Variants in VIP observed in about 807,000 individuals in gnomAD.
The protein encoded by VIP is VIP peptides.
Under a neutral mutation model 20.1 loss-of-function variants are expected in VIP, and 18 were observed. The ratio of observed to expected loss-of-function variants is 0.90; its 90% confidence interval spans 0.62 to 1.33. VIP has a LOEUF of 1.33. Ranked by LOEUF, VIP falls within the 40% of genes most tolerant of loss-of-function variation. VIP has a pLI of 0.00. For synonymous variants in VIP, 70 were observed against 68.1 expected (o/e 1.03, Z -0.14); for missense variants, 209 against 199.4 (o/e 1.05, Z -0.29).
chr6:152,751,351 T>A (rs958959194), intron 1 of VIP, among the ~76,000 whole-genome samples: 1 of 152,138 alleles, frequency 6.6e-6, no homozygotes, highest in African/African-American at 2.4e-5. Flanking sequence ...TAAGTGAATC[T>A]AAGATGCATT....
At chr6:152,755,852 G>C (rs1188542381) in intron 4 of VIP, among the ~76,000 whole-genome samples, 2 of 151,614 alleles carry the variant, frequency 1.3e-5, no homozygotes, top group Non-Finnish European at 1.5e-5. Flanking sequence ...CAATGGCAGA[G>C]CACAACTTCA....
chr6:152,757,154 T>G lies in VIP; in HGVS notation c.*13T>G. 6.2e-7 allele frequency: 1 copy of G among 1,611,026 alleles called. No individual in the cohort carries two copies. The highest frequency in any genetic ancestry group is 8.5e-7 in the Non-Finnish European group (1 of 1,178,264). On this transcript the variant is annotated 3_prime_UTR_variant, in exon 6 of 7. Transcript: ENST00000367244. ...GTTAGAAAAATGATGAAAAAGACCT[T>G]TGGAGCAAAGCTGATGACAACTTCC...
chr6:152,755,175 T>C (rs1402901222), intron 3 of VIP, 94 bp from the exon 4 acceptor site: 2 of 719,348 alleles, frequency 2.8e-6, no homozygotes, highest in Admixed American at 6.8e-5. Context: ...GCTTTCATAA[T>C]AAGCCCATAA....
Position 152,752,209 on chromosome 6 carries a change from T to C in VIP, c.32T>C (p.Val11Ala). The change falls in exon 2 of 7, where the codon GTG becomes GCG. Residue 11 changes from valine (V) to alanine (A), a missense_variant. Transcript: ENST00000367244. ...ACCAGAAATAAGGCCCAGCTCCTTG[T>C]GCTCCTGACTCTTCTCAGTGTGCTC... is the stretch of plus-strand genomic sequence containing the variant. MDTRNKAQLLVLLTLLSVLFS... is the reference protein window; with the variant it reads MDTRNKAQLLALLTLLSVLFS... 1 of 1,613,570 alleles carries C rather than the reference T, an allele frequency of 6.2e-7. No individual in the cohort carries two copies. The highest frequency in any genetic ancestry group is 8.5e-7 in the Non-Finnish European group (1 of 1,179,622).
chr6:152,755,951 G>A (rs982045110), intron 4 of VIP, among the ~76,000 whole-genome samples, 183 bp from the exon 5 acceptor site: 1 of 151,804 alleles, frequency 6.6e-6, no homozygotes, highest in African/African-American at 2.4e-5. Flanking sequence ...GCCAAAATAT[G>A]GCAGATGATT....
At position 152,752,884 on chromosome 6, in the gene VIP, T is replaced by C. The variant is rs369311873; in HGVS notation, c.107+600T>C. On this transcript the variant is annotated intron_variant, in intron 2 of 6. Coordinates refer to ENST00000367244, the MANE Select transcript of VIP (RefSeq NM_003381.4). ...TAGTTTTATTGTTCTATATGTTATA[T>C]TATATATTCCAAATCCATAAAGTAT... Among the ~76,000 whole-genome samples the C allele has an allele frequency of 3.0e-4, 45 of 152,250 alleles. No individual in the cohort carries two copies. The South Asian group carries it at 9.3e-3, about 32-fold the overall frequency.
Position 152,756,205 on chromosome 6 carries a change from G to A in VIP, c.407G>A (p.Arg136His), listed in dbSNP as rs778821449. 6.0e-5 allele frequency: 97 copies of A among 1,611,372 alleles called. No homozygotes were observed. The highest frequency in any genetic ancestry group is 7.3e-5 in the Non-Finnish European group (86 of 1,178,378). Residue 136 changes from arginine (R) to histidine (H), a missense_variant, in exon 5 of 7, where the codon CGC (arginine) becomes CAC (histidine). By Grantham distance (29) the Arg-to-His change is conservative. Transcript: ENST00000367244. ...SDAVFTDNYTRLRKQMAVKKY... is the reference protein window; with the variant it reads ...SDAVFTDNYTHLRKQMAVKKY... Reference sequence around the variant, plus strand: ...GCAGTCTTCACTGACAACTATACCCGCCTTAGAAAACAAATGGCTGTAAAG... The same window carrying A: ...GCAGTCTTCACTGACAACTATACCCACCTTAGAAAACAAATGGCTGTAAAG...
chr6:152,756,073 ATG>A, intron 4 of VIP, 59 bp from the exon 5 acceptor site: 2 of 1,398,276 alleles, frequency 1.4e-6, no homozygotes, highest in Non-Finnish European at 1.9e-6. Flanking sequence ...AACCTGGAAC[ATG>A]TGTGTATTTA....
chr6:152,751,900 C>A (rs908620995), intron 1 of VIP, among the ~76,000 whole-genome samples: 1 of 152,054 alleles, frequency 6.6e-6, no homozygotes, highest in Non-Finnish European at 1.5e-5. Flanking sequence ...ATTTCCAGCA[C>A]TATAGAAGTA....
rs553251973 is a variant in VIP, at chr6:152,752,889, T to C, written c.107+605T>C. Among the ~76,000 whole-genome samples, 8 of 152,288 alleles carry C rather than the reference T, an allele frequency of 5.3e-5. No individual in the cohort carries two copies. The East Asian group carries it at 1.5e-3, about 29-fold the overall frequency. On this transcript the variant is annotated intron_variant, in intron 2 of 6. Coordinates refer to ENST00000367244, the MANE Select transcript of VIP (RefSeq NM_003381.4). ...TTATTGTTCTATATGTTATATTATA[T>C]ATTCCAAATCCATAAAGTATAACAC...
At chr6:152,755,143 T>A (rs2099730222) in intron 3 of VIP, 126 bp from the exon 4 acceptor site, 1 of 545,072 alleles carries the variant, frequency 1.8e-6, no homozygotes, top group Admixed American at 3.9e-5. Context: ...AATCTCCTTT[T>A]GAACTTTAGT....
Position 152,755,273 on chromosome 6 carries a change from G to A in VIP, c.235G>A (p.Ala79Thr). 1 of 1,560,608 alleles carries A rather than the reference G, an allele frequency of 6.4e-7. No individual in the cohort carries two copies. Among genetic ancestry groups the A allele is most frequent in the Non-Finnish European group, 8.6e-7 (1 of 1,156,594 alleles). The change falls in exon 4 of 7, where the codon GCC (alanine) becomes ACC (threonine). Residue 79 changes from alanine to threonine, a missense_variant. Transcript: ENST00000367244. ...TTTTTTTCTTCCTTGTTTTAGAAAT[G>A]CCAGGCATGCTGATGGAGTTTTCAC... ...DTPYYDVSRN[A>T]RHADGVFTSD...
Position 152,756,454 on chromosome 6 carries a change from A to G in VIP, c.467+189A>G, listed in dbSNP as rs140328220. On this transcript the variant is annotated intron_variant, in intron 5 of 6. Transcript: ENST00000367244. ...AGATGTCTGGGCCTTCTCCCAAACCAATTGCCAGGAAATCGGTGTCTTCGG... is the reference window on the plus strand; with the variant it reads ...AGATGTCTGGGCCTTCTCCCAAACCGATTGCCAGGAAATCGGTGTCTTCGG... 2.4e-3 allele frequency among the ~76,000 whole-genome samples: 357 copies of G among 151,888 alleles called. 1 individual carries two copies. The highest frequency in any genetic ancestry group is 3.6e-3 in the Non-Finnish European group (245 of 67,886).
intron 1 of VIP, 65 bp from the exon 2 acceptor site, chr6:152,752,103 C>A: frequency 8.6e-7 from 1 of 1,168,460 alleles, no homozygotes; most frequent in Non-Finnish European, 1.3e-6. Context: ...TACTGCTAGA[C>A]AATCAGAATT....
chr6:152,757,662 G>T (rs1371528254), intron 6 of VIP, among the ~76,000 whole-genome samples: 1 of 151,916 alleles, frequency 6.6e-6, no homozygotes, highest in East Asian at 1.9e-4. Flanking sequence ...GGCATTCTGG[G>T]TCTAACTATA....
At chr6:152,751,171 T>C (rs188537560) in intron 1 of VIP, among the ~76,000 whole-genome samples, 2 of 152,322 alleles carry the variant, frequency 1.3e-5, no homozygotes, top group Non-Finnish European at 2.9e-5. Flanking sequence ...GTTTGTAAGA[T>C]GCTTTACCCT....
chr6:152,754,147 GT>G lies in VIP; in HGVS notation c.108-18del, dbSNP rs759886943. ...TCTGAAAAAAGAATGTATTATTCTCGTGTAACTTTCCCCATCAGGTTGGGTG... is the reference window on the plus strand; with the variant it reads ...TCTGAAAAAAGAATGTATTATTCTCGGTAACTTTCCCCATCAGGTTGGGTG... On this transcript the variant is annotated intron_variant, in intron 2 of 6. Transcript: ENST00000367244. 4 of 1,605,634 alleles carry G rather than the reference GT, an allele frequency of 2.5e-6. No individual in the cohort carries two copies. The South Asian group carries it at 3.4e-5, about 13-fold the overall frequency.
Position 152,757,184 on chromosome 6 carries a change from G to C in VIP, c.*43G>C. 1 of 1,592,002 alleles carries C rather than the reference G, an allele frequency of 6.3e-7. No homozygotes were observed. Among genetic ancestry groups the C allele is most frequent in the East Asian group, 2.3e-5 (1 of 44,422 alleles). ...GCAAAGCTGATGACAACTTCCCAGTGGTGGGTATATTCGTGCATTCCTTCT... is the reference window on the plus strand; with the variant it reads ...GCAAAGCTGATGACAACTTCCCAGTCGTGGGTATATTCGTGCATTCCTTCT... On this transcript the variant is annotated splice_region_variant and 3_prime_UTR_variant, in exon 6 of 7. Coordinates refer to ENST00000367244, the MANE Select transcript of VIP (RefSeq NM_003381.4).
At position 152,759,573 on chromosome 6, in the gene VIP, T is replaced by C. The variant is rs775834982; in HGVS notation, c.*707T>C. 6.6e-6 allele frequency: 1 copy of C among 151,884 alleles called. No individual in the cohort carries two copies. The highest frequency in any genetic ancestry group is 1.5e-5 in the Non-Finnish European group (1 of 67,940). The allele number at this position is 151,884 out of a possible 1,614,324, so 9.4% of individuals were successfully genotyped here. A position where few individuals can be genotyped will look rare whatever the true frequency, so the allele number is the denominator to read the frequency against. On this transcript the variant is annotated 3_prime_UTR_variant, in exon 7 of 7. Transcript: ENST00000367244. ...CTTCCCTTTCTGCTTGTGTTAAGTA[T>C]GTGTAAAATGTGAAGTGAATGAAAC... is the stretch of plus-strand genomic sequence containing the variant.
Sources: allele counts gnomAD v4.1 joint callset (sites outside exome capture counted in the v4.1 genomes callset), GRCh38; gene constraint gnomAD v4.1.1; transcripts MANE v1.5; gene names NCBI Gene and HGNC (gene_info 2026-07-23, HGNC 2026-07-21).